Variants in ATP10B observed in about 807,000 individuals in gnomAD.
The protein encoded by ATP10B is ATPase phospholipid transporting 10B (putative).
A neutral mutation model predicts 141.2 loss-of-function variants in ATP10B; 122 were observed. The observed-to-expected ratio is 0.86, with a 90% CI of 0.75 to 1.00. The LOEUF (loss-of-function observed/expected upper bound fraction) is 1.00, where lower values mean the gene tolerates loss of function less well. Among genes scored for constraint, ATP10B ranks in the 50% least tolerant of loss-of-function variants. The pLI, the probability that ATP10B is intolerant of heterozygous loss-of-function variation, is 0.00. For missense variants in ATP10B, 1,876 were observed against 1,825.3 expected, an observed-to-expected ratio of 1.03 and a Z score of -0.51; for synonymous variants, 685 against 692.0, an observed-to-expected ratio of 0.99 and a Z score of 0.16.
intron 16 of ATP10B, among the ~76,000 whole-genome samples, chr5:160,617,427 G>A (rs565162541): frequency 1.3e-5 from 2 of 152,314 alleles, no homozygotes; most frequent in East Asian, 3.9e-4. Flanking sequence ...CTTCCTGGTT[G>A]TAGCTGATTG....
At chr5:160,732,425 A>C (rs1766812182) in intron 2 of ATP10B, among the ~76,000 whole-genome samples, 2 of 152,182 alleles carry the variant, frequency 1.3e-5, no homozygotes, top group Non-Finnish European at 2.9e-5. Context: ...GTAGTTTTAT[A>C]GTTTCAGGTC....
intron 3 of ATP10B, among the ~76,000 whole-genome samples, chr5:160,693,462 A>C (rs1031241202): frequency 6.7e-6 from 1 of 149,638 alleles, no homozygotes; most frequent in African/African-American, 2.5e-5. Context: ...ACACAGTGGT[A>C]TAGTCAGGGA....
chr5:160,827,260 C>A (rs1404129568), intron 1 of ATP10B, among the ~76,000 whole-genome samples: 1 of 152,168 alleles, frequency 6.6e-6, no homozygotes, highest in East Asian at 1.9e-4. Flanking sequence ...TAGGAAGAAC[C>A]TACGTTGAAA....
At chr5:160,775,134 CGT>C (rs1770198456) in intron 2 of ATP10B, among the ~76,000 whole-genome samples, 1 of 152,172 alleles carries the variant, frequency 6.6e-6, no homozygotes, top group Non-Finnish European at 1.5e-5. Flanking sequence ...TAGCCGTGGC[CGT>C]GTTTATCAGT....
chr5:160,568,585 C>T (rs1384368150), intron 25 of ATP10B, among the ~76,000 whole-genome samples: 3 of 152,176 alleles, frequency 2.0e-5, no homozygotes, highest in Non-Finnish European at 2.9e-5. Context: ...AGAGAGTGGG[C>T]TGCGGAATAG....
At chr5:160,802,404 T>C (rs190961465) in intron 1 of ATP10B, among the ~76,000 whole-genome samples, 1 of 152,262 alleles carries the variant, frequency 6.6e-6, no homozygotes, top group Non-Finnish European at 1.5e-5. Flanking sequence ...TGGAAGCAAT[T>C]TTGTCCCCCA....
At chr5:160,857,939 A>AT in the ATP10B span, among the ~76,000 whole-genome samples, 2 of 151,680 alleles carry the variant, frequency 1.3e-5, no homozygotes, top group Non-Finnish European at 2.9e-5. Flanking sequence ...ATTTCCTGGT[A>AT]TTTGTTTGAT....
chr5:160,734,599 C>T (rs1380531272), intron 2 of ATP10B, among the ~76,000 whole-genome samples: 1 of 151,636 alleles, frequency 6.6e-6, no homozygotes, highest in African/African-American at 2.4e-5. Context: ...AAAAGTGTAG[C>T]TTAAAAAGTC....
intron 12 of ATP10B, chr5:160,633,472 T>A (rs1862192): frequency 0.87 from 132,375 of 152,198 alleles, 57,788 homozygotes; most frequent in African/African-American, 0.91. Context: ...CAAATACTGC[T>A]TGTTCTCACT....
In ATP10B at chr5:160,615,879, A is replaced by T; in HGVS notation, c.2612T>A (p.Met871Lys). The T allele has an allele frequency of 6.2e-7, 1 of 1,613,696 alleles. No individual in the cohort carries two copies. Among genetic ancestry groups the T allele is most frequent in the Non-Finnish European group, 8.5e-7 (1 of 1,179,780 alleles). The change falls in exon 17 of 26, where the codon ATG becomes AAG. Residue 871 changes from methionine (M) to lysine (K), a missense_variant. Coordinates refer to ENST00000327245, the MANE Select transcript of ATP10B (RefSeq NM_025153.3). ...ASLDNRDELL[M>K]ETAQHLENQL... ...ATTCTCCAGATGCTGTGCAGTTTCC[A>T]TGAGAAGCTCATCTCGGTTGTCGAG...
intron 1 of ATP10B, among the ~76,000 whole-genome samples, chr5:160,828,657 C>T (rs1774818179): frequency 6.6e-6 from 1 of 151,792 alleles, no homozygotes; most frequent in Admixed American, 6.6e-5. Context: ...GGCGATTCCT[C>T]AGGGATCTAG....
the ATP10B span, among the ~76,000 whole-genome samples, chr5:160,870,987 T>TCAAAAATACAGGAGAAATTATTCTC: frequency 1.3e-5 from 2 of 152,322 alleles, no homozygotes; most frequent in East Asian, 3.9e-4. Context: ...AAATTATTCT[T>TCAAAAATACAGGAGAAATTATTCTC]CAAAAATACA....
chr5:160,753,522 T>C (rs1321576140), intron 2 of ATP10B, among the ~76,000 whole-genome samples: 1 of 152,198 alleles, frequency 6.6e-6, no homozygotes, highest in African/African-American at 2.4e-5. Flanking sequence ...GCAACACACA[T>C]GTAGAATGTG....
chr5:160,684,703 A>G, intron 6 of ATP10B: 1 of 586,276 alleles, frequency 1.7e-6, no homozygotes, highest in South Asian at 2.2e-5. Flanking sequence ...ACTGTAGAGA[A>G]CTGAACAGCT....
At chr5:160,788,601 C>CA (rs1771341444) in intron 1 of ATP10B, among the ~76,000 whole-genome samples, 1 of 152,002 alleles carries the variant, frequency 6.6e-6, no homozygotes, top group Non-Finnish European at 1.5e-5. Context: ...GGGTGGCTGT[C>CA]AACTCCCTGC....
chr5:160,877,131 C>T, the ATP10B span, among the ~76,000 whole-genome samples: 1 of 152,036 alleles, frequency 6.6e-6, no homozygotes, highest in Admixed American at 6.5e-5. Context: ...TGCAAAAATC[C>T]TCAATAAAAT....
upstream of ATP10B, among the ~76,000 whole-genome samples, chr5:160,856,960 G>C (rs1378163752): frequency 6.6e-6 from 1 of 151,580 alleles, no homozygotes; most frequent in African/African-American, 2.4e-5. Context: ...GATGAATTTT[G>C]TTTTCTAATA....
chr5:160,857,557 G>C, the ATP10B span, among the ~76,000 whole-genome samples: 1 of 151,416 alleles, frequency 6.6e-6, no homozygotes, highest in East Asian at 1.9e-4. Context: ...TGTTTGCTTT[G>C]GGATATTTTT....
chr5:160,859,220 T>A, the ATP10B span, among the ~76,000 whole-genome samples: 4 of 151,916 alleles, frequency 2.6e-5, no homozygotes, highest in African/African-American at 7.2e-5. Context: ...AGGATGTTTT[T>A]ACTGGGTATA....
Sources: gnomAD v4.1 joint callset for allele counts (sites outside exome capture counted in the v4.1 genomes callset) on GRCh38, gnomAD v4.1.1 for gene constraint, MANE v1.5 for transcripts, NCBI Gene and HGNC (gene_info 2026-07-23, HGNC 2026-07-21) for gene names.